B3GALT1: variants seen among roughly 807,000 people sequenced by gnomAD.
B3GALT1 encodes UDP-Gal:betaGlcNAc beta 1,3-galactosyltransferase, polypeptide 1.
B3GALT1 carries 10 observed loss-of-function variants against 23.2 expected under a neutral mutation model. The ratio of observed to expected loss-of-function variants is 0.43; its 90% CI spans 0.27 to 0.73. B3GALT1 has a LOEUF of 0.73. Ranked by LOEUF, B3GALT1 falls within the 30% of genes least tolerant of loss-of-function variation. The probability of loss-of-function intolerance (pLI) is 0.21; values close to 1 mark genes in which losing one functional copy is unlikely to be tolerated. For missense variants in B3GALT1, 299 were observed against 405.4 expected (o/e 0.74, Z 2.25); for synonymous variants, 156 against 141.5 (o/e 1.10, Z -0.73).
intron 1 of B3GALT1, among the ~76,000 whole-genome samples, chr2:167,369,558 T>C (rs1163076793): frequency 1.3e-5 from 2 of 152,314 alleles, no homozygotes; most frequent in Admixed American, 6.5e-5. Context: ...CCAAATCAAC[T>C]GAGCTGCGAA....
chr2:167,687,413 A>G lies in B3GALT1; in HGVS notation c.-352+40447A>G, dbSNP rs541767899. On this transcript the variant is annotated intron_variant, in intron 3 of 4. Transcript: ENST00000392690. ...TGGCAACATGATGTGAAAATATACC[A>G]TGTCATTCAAGTCTATTAGAAAAAA... 2.0e-5 allele frequency among the ~76,000 whole-genome samples: 3 copies of G among 152,334 alleles called. No individual in the cohort carries two copies. The South Asian group carries it at 6.2e-4, about 32-fold the overall frequency.
At chr2:167,366,643 T>G (rs1568747) in intron 1 of B3GALT1, among the ~76,000 whole-genome samples, 123,003 of 152,154 alleles carry the variant, frequency 0.81, 51,506 homozygotes, top group East Asian at 0.92. Flanking sequence ...AGTCTCATTA[T>G]TTTCTCATAT....
At chr2:167,852,460 T>C (rs1231522931) in intron 4 of B3GALT1, among the ~76,000 whole-genome samples, 1 of 134,946 alleles carries the variant, frequency 7.4e-6, no homozygotes, top group Non-Finnish European at 1.6e-5. Flanking sequence ...TCTCTTTTAT[T>C]CGTGATGGTG....
intron 1 of B3GALT1, among the ~76,000 whole-genome samples, chr2:167,333,904 C>T (rs998330295): frequency 6.6e-6 from 1 of 151,704 alleles, no homozygotes; most frequent in East Asian, 1.9e-4. Context: ...TTGGTGGCAC[C>T]GAGAAACCTT....
At chr2:167,312,192 T>C (rs956952268) in intron 1 of B3GALT1, among the ~76,000 whole-genome samples, 6 of 151,972 alleles carry the variant, frequency 3.9e-5, no homozygotes, top group African/African-American at 9.7e-5. Context: ...GTAGGAAAAT[T>C]ATCCCAGAGA....
At chr2:167,823,608 C>T (rs973391205) in intron 4 of B3GALT1, among the ~76,000 whole-genome samples, 3 of 152,178 alleles carry the variant, frequency 2.0e-5, no homozygotes, top group South Asian at 2.1e-4. Context: ...GTTCATTTCT[C>T]ATTTGAATAT....
intron 2 of B3GALT1, among the ~76,000 whole-genome samples, chr2:167,523,632 C>T (rs1464275940): frequency 3.3e-5 from 5 of 152,078 alleles, no homozygotes; most frequent in African/African-American, 9.7e-5. Context: ...ACCACCTTGG[C>T]GAGGCTGGTC....
chr2:167,865,514 G>A (rs113182912), intron 4 of B3GALT1, among the ~76,000 whole-genome samples: 29 of 152,172 alleles, frequency 1.9e-4, no homozygotes, highest in African/African-American at 5.8e-4. Flanking sequence ...AAATGGGGCC[G>A]GGCACAGTGG....
At chr2:167,536,480 G>T (rs569666725) in intron 2 of B3GALT1, among the ~76,000 whole-genome samples, 38 of 152,282 alleles carry the variant, frequency 2.5e-4, no homozygotes, top group Non-Finnish European at 2.5e-4. Context: ...AAAATGGTAA[G>T]TGTGCAAAAA....
chr2:167,408,716 C>G (rs986325584), intron 1 of B3GALT1, among the ~76,000 whole-genome samples: 14 of 147,996 alleles, frequency 9.5e-5, no homozygotes, highest in African/African-American at 3.5e-4. Context: ...AGAAAAAAAT[C>G]GAGAAACCAA....
chr2:167,326,607 G>A (rs1358006032), intron 1 of B3GALT1, among the ~76,000 whole-genome samples: 1 of 152,086 alleles, frequency 6.6e-6, no homozygotes, highest in East Asian at 1.9e-4. Flanking sequence ...GTTGATTTCT[G>A]TATATGGTAA....
chr2:167,673,043 G>A (rs1321255966), intron 3 of B3GALT1, among the ~76,000 whole-genome samples: 2 of 149,728 alleles, frequency 1.3e-5, no homozygotes, highest in Non-Finnish European at 3.0e-5. Flanking sequence ...AAAAAAAAAA[G>A]CCCTCAAAAA....
chr2:167,375,894 G>C (rs895090378), intron 1 of B3GALT1, among the ~76,000 whole-genome samples: 2 of 152,074 alleles, frequency 1.3e-5, no homozygotes, highest in Non-Finnish European at 2.9e-5. Flanking sequence ...AGGCATCCTT[G>C]TCTTGTTTCA....
At chr2:167,346,271 A>G (rs1383135872) in intron 1 of B3GALT1, among the ~76,000 whole-genome samples, 1 of 152,134 alleles carries the variant, frequency 6.6e-6, no homozygotes, top group African/African-American at 2.4e-5. Context: ...CTAGGGTATA[A>G]CACCCTCAGG....
chr2:167,520,670 C>G (rs778739771), intron 2 of B3GALT1, among the ~76,000 whole-genome samples: 2 of 152,150 alleles, frequency 1.3e-5, no homozygotes, highest in Non-Finnish European at 2.9e-5. Flanking sequence ...CTCTTGGTAG[C>G]CATTGCTTTG....
intron 1 of B3GALT1, among the ~76,000 whole-genome samples, chr2:167,293,944 G>A: frequency 7.0e-6 from 1 of 143,046 alleles, no homozygotes; most frequent in Non-Finnish European, 1.5e-5. Context: ...GGGGGTGGGG[G>A]TGGGGGTGGA....
intron 3 of B3GALT1, chr2:167,714,334 G>A: frequency 6.7e-7 from 1 of 1,495,724 alleles, no homozygotes. Flanking sequence ...ACCTATCACA[G>A]CTTGGTTCTC....
intron 1 of B3GALT1, among the ~76,000 whole-genome samples, chr2:167,338,233 TAAACAGAC>T (rs1697090897): frequency 1.3e-5 from 2 of 152,122 alleles, no homozygotes; most frequent in Admixed American, 6.6e-5. Flanking sequence ...TAAGCTGGAG[TAAACAGAC>T]TTTTAGTCAT....
chr2:167,302,510 T>C (rs1303526499), intron 1 of B3GALT1, among the ~76,000 whole-genome samples: 1 of 152,182 alleles, frequency 6.6e-6, no homozygotes, highest in Non-Finnish European at 1.5e-5. Flanking sequence ...TGATATCTGG[T>C]TAATTTCATA....
Sources: allele counts gnomAD v4.1 joint callset (sites outside exome capture counted in the v4.1 genomes callset), GRCh38; gene constraint gnomAD v4.1.1; transcripts MANE v1.5; gene names NCBI Gene and HGNC (gene_info 2026-07-23, HGNC 2026-07-21).